ST18: variants seen among roughly 807,000 people sequenced by gnomAD.
ST18 encodes the protein suppression of tumorigenicity 18 protein.
ST18 carries 50 observed loss-of-function variants against 110.0 expected under a neutral mutation model. The ratio of observed to expected loss-of-function variants is 0.45; its 90% confidence interval spans 0.36 to 0.58. The LOEUF (loss-of-function observed/expected upper bound fraction) is 0.58, where lower values mean the gene tolerates loss of function less well. ST18 is among the 20% of genes least tolerant of loss of function. The pLI is 0.00. For missense variants in ST18, 1,306 were observed against 1,280.1 expected, an observed-to-expected ratio of 1.02 and a Z score of -0.31; for synonymous variants, 461 against 452.4, an observed-to-expected ratio of 1.02 and a Z score of -0.24.
chr8:52,229,320 A>G (rs1346221788), intron 3 of ST18, among the ~76,000 whole-genome samples: 1 of 152,236 alleles, frequency 6.6e-6, no homozygotes, highest in Non-Finnish European at 1.5e-5. Context: ...CCAGACTAAA[A>G]CCAAGTTAAG....
At chr8:52,275,719 A>T (rs2095220558) in intron 2 of ST18, among the ~76,000 whole-genome samples, 1 of 152,132 alleles carries the variant, frequency 6.6e-6, no homozygotes, top group East Asian at 1.9e-4. Flanking sequence ...TGAAGCCGAT[A>T]AAACCTGCGA....
At chr8:52,314,317 G>A (rs2095982083) in intron 2 of ST18, among the ~76,000 whole-genome samples, 1 of 152,270 alleles carries the variant, frequency 6.6e-6, no homozygotes. Flanking sequence ...ATACAGATCT[G>A]GAGAATATGA....
At chr8:52,352,912 T>C (rs1257346684) in intron 2 of ST18, among the ~76,000 whole-genome samples, 1 of 152,190 alleles carries the variant, frequency 6.6e-6, no homozygotes, top group African/African-American at 2.4e-5. Flanking sequence ...CCAATATTCA[T>C]TTTATGGAAG....
intron 8 of ST18, among the ~76,000 whole-genome samples, chr8:52,205,266 A>G (rs1312167759): frequency 6.6e-5 from 10 of 151,674 alleles, no homozygotes; most frequent in Admixed American, 5.9e-4. Context: ...TTAGGCTACT[A>G]TGAAGGAAGA....
At chr8:52,223,100 C>T (rs1383938220) in intron 3 of ST18, among the ~76,000 whole-genome samples, 4 of 152,176 alleles carry the variant, frequency 2.6e-5, no homozygotes, top group African/African-American at 9.7e-5. Context: ...TCACGAAGGA[C>T]TACGTTTGTC....
intron 7 of ST18, among the ~76,000 whole-genome samples, chr8:52,213,637 CT>C (rs775954861): frequency 2.6e-5 from 4 of 152,062 alleles, no homozygotes; most frequent in Admixed American, 1.3e-4. Context: ...CATCAAGGGC[CT>C]GTTTATATTT....
Position 52,405,522 on chromosome 8 carries a change from T to C in ST18, c.-465+3806A>G, listed in dbSNP as rs1473451133. On this transcript the variant is annotated intron_variant, in intron 2 of 25. Coordinates refer to ENST00000689386, the MANE Select transcript of ST18 (RefSeq NM_001352837.2). The stretch of plus-strand genomic sequence containing the variant: ...AACTTTTATGAAAACAAATAGCAAA[T>C]ATTTATTCAAATTGATTACTATTGT... The C allele has an allele frequency of 2.0e-5, 3 of 152,350 alleles. No individual in the cohort carries two copies. The East Asian group carries it at 5.8e-4, about 29-fold the overall frequency. 9.4% of individuals were successfully genotyped at this position (152,350 alleles called of 1,614,324 possible).
At chr8:52,386,181 C>T (rs961088327) in intron 2 of ST18, among the ~76,000 whole-genome samples, 3 of 152,134 alleles carry the variant, frequency 2.0e-5, no homozygotes, top group African/African-American at 7.2e-5. Context: ...ATCAGACAGT[C>T]ATTGAAAATT....
chr8:52,389,524 G>A (rs907283643), intron 2 of ST18, among the ~76,000 whole-genome samples: 2 of 152,222 alleles, frequency 1.3e-5, no homozygotes, highest in African/African-American at 4.8e-5. Context: ...CTTAAGCACT[G>A]GTTGTGTGCT....
intron 9 of ST18, among the ~76,000 whole-genome samples, chr8:52,175,831 C>T (rs775133660): frequency 2.6e-5 from 4 of 152,134 alleles, no homozygotes; most frequent in Non-Finnish European, 5.9e-5. Context: ...GCTCCCACTC[C>T]ATGCTCTGCC....
intron 2 of ST18, among the ~76,000 whole-genome samples, chr8:52,384,651 A>G (rs1835840454): frequency 6.6e-6 from 1 of 152,106 alleles, no homozygotes; most frequent in Non-Finnish European, 1.5e-5. Flanking sequence ...CCCTCCTAAC[A>G]GCCTGTCCAA....
At chr8:52,313,354 G>C (rs1441634910) in intron 2 of ST18, 1 of 152,428 alleles carries the variant, frequency 6.6e-6, no homozygotes, top group Non-Finnish European at 1.5e-5. Flanking sequence ...AATGTGTCTG[G>C]GTACACACCA....
intron 9 of ST18, among the ~76,000 whole-genome samples, chr8:52,177,236 G>C (rs1208572265): frequency 6.6e-6 from 1 of 152,194 alleles, no homozygotes; most frequent in Non-Finnish European, 1.5e-5. Context: ...TGCATGGTTT[G>C]TCCATGTTCT....
At chr8:52,133,196 C>A (rs778135473) in intron 20 of ST18, 43 bp downstream of exon 20, 2 of 1,614,126 alleles carry the variant, frequency 1.2e-6, no homozygotes, top group Non-Finnish European at 1.7e-6. Flanking sequence ...TGACTGCTGC[C>A]GACAAGCTCA....
In ST18 at chr8:52,132,130, T is replaced by C. The variant is rs766083131; in HGVS notation, c.2494A>G (p.Thr832Ala). Reference protein sequence around the residue: ...DGQGHISGKYTSHRTASGCPL... With the variant: ...DGQGHISGKYASHRTASGCPL... Reference sequence around the variant, plus strand: ...CAGCCAGAAGCTGTGCGGTGTGATGTGTATTTACCTGATATGTGACCTTGG... The same window carrying C: ...CAGCCAGAAGCTGTGCGGTGTGATGCGTATTTACCTGATATGTGACCTTGG... The change falls in exon 22 of 26, where the codon ACA becomes GCA. Residue 832 changes from threonine to alanine, a missense_variant. By Grantham distance (58) the Thr-to-Ala change is moderately conservative. Transcript: ENST00000689386. The C allele has an allele frequency of 6.8e-6, 11 of 1,614,054 alleles. No individual in the cohort carries two copies. Among genetic ancestry groups the C allele is most frequent in the African/African-American group, 1.3e-5 (1 of 75,040 alleles).
Position 52,309,012 on chromosome 8 carries a change from C to T in ST18, c.-464-78935G>A, listed in dbSNP as rs370276354. 1.3e-4 allele frequency among the ~76,000 whole-genome samples: 20 copies of T among 152,292 alleles called. No individual in the cohort carries two copies. The Middle Eastern group carries it at 0.01, about 78-fold the overall frequency. ...ACTGTGTATCAGTCACTGCAGTGGA[C>T]AAAACAGGGGAAGCCAAGGGGAAAA... On this transcript the variant is annotated intron_variant, in intron 2 of 25. Coordinates refer to ENST00000689386, the MANE Select transcript of ST18 (RefSeq NM_001352837.2).
chr8:52,130,265 G>T (rs574824100), intron 22 of ST18, among the ~76,000 whole-genome samples: 9 of 151,996 alleles, frequency 5.9e-5, no homozygotes, highest in Non-Finnish European at 1.3e-4. Context: ...ATGTAAACAG[G>T]AACCTATGAT....
chr8:52,249,947 C>A (rs1009486125), intron 2 of ST18, among the ~76,000 whole-genome samples: 1 of 152,030 alleles, frequency 6.6e-6, no homozygotes, highest in East Asian at 1.9e-4. Flanking sequence ...TGAGCAGTTT[C>A]TCCTTCCTCC....
chr8:52,329,185 G>A (rs1014811370), intron 2 of ST18, among the ~76,000 whole-genome samples: 2 of 150,820 alleles, frequency 1.3e-5, no homozygotes, highest in Non-Finnish European at 2.9e-5. Context: ...TTTTCTATGT[G>A]TGTTTCTGGG....
Sources: allele counts gnomAD v4.1 joint callset (sites outside exome capture counted in the v4.1 genomes callset), GRCh38; gene constraint gnomAD v4.1.1; transcripts MANE v1.5; gene names NCBI Gene and HGNC (gene_info 2026-07-23, HGNC 2026-07-21).